Variants in SSBP2 observed in about 807,000 individuals in gnomAD.
The protein encoded by SSBP2 is single stranded DNA binding protein 2.
SSBP2 carries 17 observed loss-of-function variants against 61.8 expected under a neutral mutation model. That is an observed-to-expected ratio of 0.28 (90% confidence interval 0.19 to 0.41). SSBP2 has a LOEUF of 0.41. Ranked by LOEUF, SSBP2 falls within the 10% of genes least tolerant of loss-of-function variation. The probability of loss-of-function intolerance (pLI) is 1.00; values close to 1 mark genes in which losing one functional copy is unlikely to be tolerated. For synonymous variants in SSBP2, 139 were observed against 141.3 expected (o/e 0.98, Z 0.12); for missense variants, 310 against 458.7 (o/e 0.68, Z 2.96).
intron 11 of SSBP2, 24 bp from the exon 12 acceptor site, chr5:81,446,946 G>GT: frequency 1.3e-6 from 2 of 1,565,672 alleles, no homozygotes; most frequent in Non-Finnish European, 1.7e-6. Context: ...CAAAATTTCA[G>GT]TAAAAATAAG....
At chr5:81,746,217 G>GT (rs1561753960) in intron 1 of SSBP2, among the ~76,000 whole-genome samples, 24 of 151,894 alleles carry the variant, frequency 1.6e-4, no homozygotes, top group African/African-American at 4.8e-4. Context: ...TAAAAATAGG[G>GT]GTTTTTTTGA....
At chr5:81,726,778 C>T (rs75399664) in intron 1 of SSBP2, among the ~76,000 whole-genome samples, 79 of 152,072 alleles carry the variant, frequency 5.2e-4, no homozygotes, top group African/African-American at 1.8e-3. Flanking sequence ...ACTAAAATAC[C>T]CTCAATTCCC....
intron 4 of SSBP2, among the ~76,000 whole-genome samples, chr5:81,609,765 C>G (rs527966778): frequency 1.3e-5 from 2 of 152,174 alleles, no homozygotes; most frequent in Non-Finnish European, 2.9e-5. Flanking sequence ...TTTACATACA[C>G]CTACCCTTCC....
At chr5:81,688,410 T>TA (rs546374669) in intron 1 of SSBP2, among the ~76,000 whole-genome samples, 10 of 152,144 alleles carry the variant, frequency 6.6e-5, no homozygotes, top group Non-Finnish European at 1.5e-4. Flanking sequence ...TATAGAGCCC[T>TA]AGGGCCTTGA....
intron 1 of SSBP2, among the ~76,000 whole-genome samples, chr5:81,685,853 T>C (rs1483432333): frequency 6.6e-6 from 1 of 152,194 alleles, no homozygotes; most frequent in Non-Finnish European, 1.5e-5. Flanking sequence ...TAGAAAACCT[T>C]CCATTTATTT....
At chr5:81,519,029 C>G (rs1020522209) in intron 4 of SSBP2, among the ~76,000 whole-genome samples, 4 of 152,018 alleles carry the variant, frequency 2.6e-5, no homozygotes, top group Admixed American at 2.6e-4. Context: ...AGTTTTACAT[C>G]TCTATTCTCA....
At chr5:81,638,525 A>T (rs1346597880) in intron 2 of SSBP2, among the ~76,000 whole-genome samples, 1 of 142,338 alleles carries the variant, frequency 7.0e-6, no homozygotes, top group Non-Finnish European at 1.5e-5. Context: ...TCTCAGAGGG[A>T]AAAAAAAAAA....
At chr5:81,515,295 C>T (rs1401344664) in intron 4 of SSBP2, among the ~76,000 whole-genome samples, 5 of 151,840 alleles carry the variant, frequency 3.3e-5, no homozygotes. Flanking sequence ...GTAGAAGTTG[C>T]TCTTAGTATG....
At chr5:81,565,590 C>T (rs1006830850) in intron 4 of SSBP2, among the ~76,000 whole-genome samples, 6 of 152,118 alleles carry the variant, frequency 3.9e-5, no homozygotes, top group Non-Finnish European at 5.9e-5. Flanking sequence ...TCCCATGACA[C>T]GGTATACATA....
chr5:81,487,289 T>C (rs909729073), intron 6 of SSBP2, among the ~76,000 whole-genome samples: 5 of 152,192 alleles, frequency 3.3e-5, no homozygotes, highest in African/African-American at 1.2e-4. Context: ...AAAACTAAAC[T>C]ACAAACTCTT....
At chr5:81,608,376 A>G (rs900384270) in intron 4 of SSBP2, among the ~76,000 whole-genome samples, 1 of 152,142 alleles carries the variant, frequency 6.6e-6, no homozygotes, top group African/African-American at 2.4e-5. Context: ...TAGCCTCCTA[A>G]CTGTGTTGGC....
At chr5:81,509,428 T>G (rs899940972) in intron 5 of SSBP2, among the ~76,000 whole-genome samples, 1 of 152,196 alleles carries the variant, frequency 6.6e-6, no homozygotes, top group Non-Finnish European at 1.5e-5. Flanking sequence ...CTGCTATTTC[T>G]ACCCATGGAA....
chr5:81,443,306 TTTTGA>T (rs1329893841), intron 12 of SSBP2: 3 of 152,106 alleles, frequency 2.0e-5, no homozygotes, highest in East Asian at 1.9e-4. Context: ...CTCACTTTAT[TTTTGA>T]TTTATTATAA....
intron 16 of SSBP2, among the ~76,000 whole-genome samples, chr5:81,421,887 T>C (rs1361576835): frequency 6.6e-6 from 1 of 152,190 alleles, no homozygotes; most frequent in Non-Finnish European, 1.5e-5. Flanking sequence ...AATTTATTCA[T>C]GTATCCACAT....
chr5:81,627,978 T>C (rs1313169098), intron 3 of SSBP2, among the ~76,000 whole-genome samples: 4 of 151,462 alleles, frequency 2.6e-5, no homozygotes, highest in Non-Finnish European at 4.4e-5. Context: ...GGTGGGAGGA[T>C]CACTTAAGCC....
At chr5:81,469,888 G>A (rs1298233432) in intron 8 of SSBP2, among the ~76,000 whole-genome samples, 2 of 151,814 alleles carry the variant, frequency 1.3e-5, no homozygotes, top group East Asian at 3.9e-4. Context: ...AATTCCATCT[G>A]GTCTAATCTC....
Position 81,416,209 on chromosome 5 carries a change from G to A in SSBP2, c.*4295C>T, listed in dbSNP as rs1217418770. On this transcript the variant is annotated 3_prime_UTR_variant, in exon 17 of 17. Coordinates refer to ENST00000320672, the MANE Select transcript of SSBP2 (RefSeq NM_012446.5). The stretch of plus-strand genomic sequence containing the variant: ...CCAGCCTGGGTGACAGAGCAAGACT[G>A]TCTCAAAAAAAAAAAAGAAAAAAAA... 6.9e-6 allele frequency: 1 copy of A among 145,646 alleles called. No homozygotes were observed. Among genetic ancestry groups the A allele is most frequent in the Admixed American group, 6.9e-5 (1 of 14,390 alleles). 9.0% of individuals were successfully genotyped at this position (145,646 alleles called of 1,614,324 possible).
rs961562766 is a variant in SSBP2 at position 81,419,041 on chromosome 5, T to C, written c.*1463A>G. ...TATCTTTCAGAGTCTAAAATTAAAG[T>C]CTTCATATCTTTCTATTGTGATTTT... On this transcript the variant is annotated 3_prime_UTR_variant, in exon 17 of 17. Coordinates refer to ENST00000320672, the MANE Select transcript of SSBP2 (RefSeq NM_012446.5). The C allele has an allele frequency of 7.9e-5, 12 of 152,238 alleles. No individual in the cohort carries two copies. Among genetic ancestry groups the C allele is most frequent in the Admixed American group, 3.3e-4 (5 of 15,288 alleles). 9.4% of individuals were successfully genotyped at this position (152,238 alleles called of 1,614,324 possible).
At chr5:81,650,456 C>G (rs964942414) in intron 1 of SSBP2, 117 bp from the exon 2 acceptor site, 1 of 526,654 alleles carries the variant, frequency 1.9e-6, no homozygotes, top group East Asian at 3.5e-5. Context: ...AAAAATAAAC[C>G]CTTCCCATAC....
Sources: allele counts gnomAD v4.1 joint callset (sites outside exome capture counted in the v4.1 genomes callset), GRCh38; gene constraint gnomAD v4.1.1; transcripts MANE v1.5; gene names NCBI Gene and HGNC (gene_info 2026-07-23, HGNC 2026-07-21).